The following LLGL2 variants were observed in gnomAD, a reference collection of about 807,000 sequenced individuals.
LLGL2 encodes LLGL scribble cell polarity complex component 2, also known as LLGL2, scribble cell polarity complex component.
In LLGL2, 81 loss-of-function variants were observed where a neutral mutation model predicts 123.2. The observed-to-expected ratio is 0.66, with a 90% CI of 0.55 to 0.79. The LOEUF (loss-of-function observed/expected upper bound fraction) is 0.79, where lower values mean the gene tolerates loss of function less well. LLGL2 is among the 30% of genes least tolerant of loss of function. LLGL2 has a pLI of 0.00. For synonymous variants in LLGL2, 577 were observed against 594.1 expected, an observed-to-expected ratio of 0.97 and a Z score of 0.42; for missense variants, 1,273 against 1,414.6, an observed-to-expected ratio of 0.90 and a Z score of 1.61.
Position 75,528,272 on chromosome 17 carries a change from C to A in LLGL2, c.-31+2447C>A, listed in dbSNP as rs559565160. Among the ~76,000 whole-genome samples, 13 of 152,138 alleles carry A rather than the reference C, an allele frequency of 8.5e-5. No homozygotes were observed. The East Asian group carries it at 1.6e-3, about 18-fold the overall frequency. On this transcript the variant is annotated intron_variant, in intron 1 of 25. Transcript: ENST00000392550. ...CTGGGACCACAGGCGCCTGCCATCA[C>A]GCCCGGCTAATTTTTTGTATTTTTA...
chr17:75,572,360 CA>C (rs5822091), intron 19 of LLGL2, among the ~76,000 whole-genome samples: 1 of 148,680 alleles, frequency 6.7e-6, no homozygotes, highest in African/African-American at 2.5e-5. Context: ...ACTAAAAATA[CA>C]AAAAAAAATA....
In LLGL2 at chr17:75,544,738, G is replaced by A. The variant is rs1176449896; in HGVS notation, c.75+1237G>A. ...CTGACCTCCCCGTTGGGAGAGGTGG[G>A]TCAGCGCTCCCAATGTGCCCTGCCA... On this transcript the variant is annotated intron_variant, in intron 2 of 25. Transcript: ENST00000392550. This position sits in a 1 kb window ranked among gnomAD's most constrained non-coding sequence, Gnocchi z 4.2. 6.6e-6 allele frequency among the ~76,000 whole-genome samples: 1 copy of A among 152,184 alleles called. No individual in the cohort carries two copies. Among genetic ancestry groups the A allele is most frequent in the African/African-American group, 2.4e-5 (1 of 41,456 alleles).
intron 1 of LLGL2, among the ~76,000 whole-genome samples, chr17:75,528,075 G>A (rs1046522128): frequency 4.0e-5 from 6 of 151,550 alleles, no homozygotes; most frequent in East Asian, 1.9e-4. Flanking sequence ...GAACTGCCAC[G>A]CCAGACCCGT....
chr17:75,570,981 C>T lies in LLGL2; in HGVS notation c.2057C>T (p.Pro686Leu). 6.2e-7 allele frequency: 1 copy of T among 1,612,330 alleles called. No homozygotes were observed. The highest frequency in any genetic ancestry group is 8.5e-7 in the Non-Finnish European group (1 of 1,179,570). The change falls in exon 17 of 26, where the codon CCA becomes CTA. Residue 686 changes from proline to leucine, a missense_variant. Pro to Leu is a moderately conservative substitution (Grantham distance 98, BLOSUM62 -3). Coordinates refer to ENST00000392550, the MANE Select transcript of LLGL2 (RefSeq NM_001031803.2). ...AQEGSAKAER[P>L]GLQNMELAPV... is the part of the protein sequence containing the mutation. ...GAGGGGAGTGCCAAGGCTGAGCGGC[C>T]AGGCCTCCAGAACATGGAGCTGGCG...
At chr17:75,574,409 GC>G in intron 23 of LLGL2, 43 bp from the exon 24 acceptor site, 1 of 1,546,562 alleles carries the variant, frequency 6.5e-7, no homozygotes. Context: ...GTGGCTAGCC[GC>G]CCCAAGGGCC....
upstream of LLGL2, among the ~76,000 whole-genome samples, chr17:75,525,345 C>A (rs1278471194): frequency 6.6e-6 from 1 of 152,116 alleles, no homozygotes; most frequent in African/African-American, 2.4e-5. This position sits in a 1 kb window ranked among gnomAD's most constrained non-coding sequence, Gnocchi z 4.8. Context: ...CCCTCGGCAG[C>A]TCCCGGGAGT....
intron 1 of LLGL2, among the ~76,000 whole-genome samples, chr17:75,531,131 T>G (rs977690689): frequency 3.9e-5 from 6 of 152,118 alleles, no homozygotes; most frequent in African/African-American, 1.4e-4. Flanking sequence ...TCTGTTGGCA[T>G]TAGGAGACTT....
At chr17:75,542,315 A>G (rs532834848) in intron 1 of LLGL2, among the ~76,000 whole-genome samples, 11 of 151,930 alleles carry the variant, frequency 7.2e-5, no homozygotes, top group Admixed American at 2.0e-4. Flanking sequence ...AAAGCACTCA[A>G]CACTGGGCTG....
chr17:75,559,291 A>G lies in LLGL2; in HGVS notation c.411A>G (p.Pro137=). The change falls in exon 6 of 26, where the codon CCA becomes CCG. Residue 137 remains proline, a synonymous_variant. Transcript: ENST00000392550. The surrounding 1 kb of genome is among the most constrained non-coding windows in gnomAD (Gnocchi z 4.6). ...PSATQITVVL[P]HSSCELLYLG... is the part of the protein sequence containing the mutation. ...CCACACAGATCACCGTGGTCCTGCC[A>G]CATTCCTCCTGCGAGCTGCTCTACC... is the stretch of plus-strand genomic sequence containing the variant. 2 of 1,612,908 alleles carry G rather than the reference A, an allele frequency of 1.2e-6. No individual in the cohort carries two copies. The highest frequency in any genetic ancestry group is 1.7e-6 in the Non-Finnish European group (2 of 1,179,778).
chr17:75,526,446 T>C (rs1399262562), intron 1 of LLGL2, among the ~76,000 whole-genome samples: 1 of 152,212 alleles, frequency 6.6e-6, no homozygotes, highest in Non-Finnish European at 1.5e-5. Flanking sequence ...GGGTTTGCGC[T>C]GTGGGATTTG....
intron 1 of LLGL2, among the ~76,000 whole-genome samples, chr17:75,535,605 G>A (rs567628005): frequency 6.0e-4 from 92 of 152,374 alleles, no homozygotes; most frequent in African/African-American, 2.0e-3. Context: ...CCCAAACAGT[G>A]GCAGGGTGGG....
rs546234790 is a variant in LLGL2 at position 75,558,083 on chromosome 17, C to T, written c.174-72C>T. On this transcript the variant is annotated intron_variant, in intron 3 of 25. Transcript: ENST00000392550. This position sits in a 1 kb window ranked among gnomAD's most constrained non-coding sequence, Gnocchi z 4.0. ...TGTTTGCATCATTGCACATGGGCCCCGAGGGCCTGGCACTCAAGGCAGGCA... is the reference window on the plus strand; with the variant it reads ...TGTTTGCATCATTGCACATGGGCCCTGAGGGCCTGGCACTCAAGGCAGGCA... The T allele has an allele frequency of 1.5e-4, 219 of 1,437,962 alleles. No homozygotes were observed. In the African/African-American group the frequency reaches 1.8e-3, roughly 12 times the overall value. 89.1% of individuals were successfully genotyped at this position (1,437,962 alleles called of 1,614,324 possible).
intron 1 of LLGL2, among the ~76,000 whole-genome samples, chr17:75,529,912 C>T (rs2053715267): frequency 1.3e-5 from 2 of 152,136 alleles, no homozygotes; most frequent in African/African-American, 4.8e-5. Flanking sequence ...TCTTTCTAGG[C>T]TTCAGGTGTA....
chr17:75,568,883 G>A, intron 12 of LLGL2, 44 bp downstream of exon 12: 1 of 1,564,324 alleles, frequency 6.4e-7, no homozygotes, highest in Non-Finnish European at 8.7e-7. Flanking sequence ...AGTAGGATAT[G>A]TGGGGTGGGA....
chr17:75,567,638 CA>C (rs929414669), intron 10 of LLGL2, among the ~76,000 whole-genome samples: 9 of 142,772 alleles, frequency 6.3e-5, no homozygotes, highest in Admixed American at 7.1e-5. Context: ...GACTCCATCT[CA>C]AAAAAAAAAG....
Position 75,563,253 on chromosome 17 carries a change from G to A in LLGL2, c.693+75G>A, listed in dbSNP as rs970820644. On this transcript the variant is annotated intron_variant, in intron 7 of 25. Coordinates refer to ENST00000392550, the MANE Select transcript of LLGL2 (RefSeq NM_001031803.2). ...CCAAGTGGCACATACACACTGTGCA[G>A]AGGCATGGGGTGCAGGCGATGGGAA... 2.5e-6 allele frequency: 4 copies of A among 1,605,102 alleles called. No individual in the cohort carries two copies. The African/African-American group carries it at 5.3e-5, about 21-fold the overall frequency.
chr17:75,574,250 C>A lies in LLGL2; in HGVS notation c.2943C>A (p.Leu981=). ...GCCTGGTGATGGAGCGCGCTCTGCT[C>A]AGTGATGAGAGTGAGTTGGGTGGGA... The part of the protein sequence containing the change: ...QPGLVMERAL[L]SDERVLKEIQ... The change falls in exon 23 of 26, where the codon CTC becomes CTA. Residue 981 remains leucine, a synonymous_variant. Transcript: ENST00000392550. 7.1e-7 allele frequency: 1 copy of A among 1,403,594 alleles called. No individual in the cohort carries two copies. The highest frequency in any genetic ancestry group is 9.4e-7 in the Non-Finnish European group (1 of 1,064,870). The allele number at this position is 1,403,594 out of a possible 1,614,324, so 86.9% of individuals were successfully genotyped here. A position where few individuals can be genotyped will look rare whatever the true frequency, so the allele number is the denominator to read the frequency against.
intron 1 of LLGL2, among the ~76,000 whole-genome samples, chr17:75,532,048 GTA>G (rs199921029): frequency 4.3e-4 from 41 of 95,524 alleles, no homozygotes; most frequent in South Asian, 7.2e-4. Flanking sequence ...TTATATATAT[GTA>G]TATATACACA....
chr17:75,565,456 T>C (rs919952215), intron 10 of LLGL2, among the ~76,000 whole-genome samples: 2 of 152,210 alleles, frequency 1.3e-5, no homozygotes, highest in African/African-American at 4.8e-5. Flanking sequence ...CTGCTTTTCT[T>C]TCTTTCTCAG....
Sources: gnomAD v4.1 joint callset for allele counts (sites outside exome capture counted in the v4.1 genomes callset) on GRCh38, gnomAD v4.1.1 for gene constraint, Gnocchi (gnomAD v3.1) non-coding constraint, MANE v1.5 for transcripts, NCBI Gene and HGNC (gene_info 2026-07-23, HGNC 2026-07-21) for gene names.